The following CDH4 variants were observed in gnomAD, a reference collection of about 807,000 sequenced individuals.
CDH4 encodes the protein cadherin 4, also known as cadherin-4.
CDH4 carries 33 observed loss-of-function variants against 86.0 expected under a neutral mutation model. The ratio of observed to expected loss-of-function variants is 0.38; its 90% CI spans 0.29 to 0.51. The LOEUF (loss-of-function observed/expected upper bound fraction) is 0.51, where lower values mean the gene tolerates loss of function less well. Ranked by LOEUF, CDH4 falls within the 20% of genes least tolerant of loss-of-function variation. The pLI is 0.86. For synonymous variants in CDH4, 555 were observed against 549.4 expected, an observed-to-expected ratio of 1.01 and a Z score of -0.14; for missense variants, 1,114 against 1,307.4, an observed-to-expected ratio of 0.85 and a Z score of 2.28.
intron 2 of CDH4, among the ~76,000 whole-genome samples, chr20:61,597,292 A>AC (rs998818402): frequency 3.3e-5 from 5 of 152,200 alleles, no homozygotes; most frequent in Admixed American, 1.3e-4. Flanking sequence ...TGTTCCCTCC[A>AC]CCCTGCACCC....
chr20:61,611,856 C>T (rs6089244), intron 2 of CDH4, among the ~76,000 whole-genome samples: 94,291 of 151,884 alleles, frequency 0.62, 31,121 homozygotes, highest in East Asian at 0.78. Flanking sequence ...CAGGGCTTCA[C>T]GAACTCCTGC....
chr20:61,366,183 A>T (rs73917729), intron 2 of CDH4, among the ~76,000 whole-genome samples: 3,748 of 152,308 alleles, frequency 0.025, 152 homozygotes, highest in African/African-American at 0.085. Context: ...GCAGTCCTCC[A>T]GGGCTGAAGA....
At chr20:61,320,601 G>A (rs906985955) in intron 2 of CDH4, among the ~76,000 whole-genome samples, 1 of 152,042 alleles carries the variant, frequency 6.6e-6, no homozygotes, top group African/African-American at 2.4e-5. Context: ...GTGGGGGATG[G>A]GGGTGCTATT....
At chr20:61,384,757 A>T (rs1369020333) in intron 2 of CDH4, among the ~76,000 whole-genome samples, 7 of 147,530 alleles carry the variant, frequency 4.7e-5, no homozygotes, top group Admixed American at 2.0e-4. Flanking sequence ...GTTCTCTTTC[A>T]TTAATTTTCA....
chr20:61,333,031 A>T (rs1301454187), intron 2 of CDH4, among the ~76,000 whole-genome samples: 2 of 152,158 alleles, frequency 1.3e-5, no homozygotes, highest in African/African-American at 4.8e-5. Flanking sequence ...ACCAAACTAA[A>T]CACTTATTTG....
chr20:61,340,954 T>C (rs947745281), intron 2 of CDH4, among the ~76,000 whole-genome samples: 1 of 152,234 alleles, frequency 6.6e-6, no homozygotes, highest in African/African-American at 2.4e-5. Flanking sequence ...AGGTGTTGGC[T>C]TAAATCTGCC....
At chr20:61,590,997 GC>G (rs2086515651) in intron 2 of CDH4, among the ~76,000 whole-genome samples, 1 of 152,102 alleles carries the variant, frequency 6.6e-6, no homozygotes. Flanking sequence ...ACCCTCAGAG[GC>G]CCAGGGAGAT....
At chr20:61,528,872 A>G (rs570310159) in intron 2 of CDH4, among the ~76,000 whole-genome samples, 1 of 147,762 alleles carries the variant, frequency 6.8e-6, no homozygotes, top group Admixed American at 6.7e-5. Context: ...TTTTGTAACC[A>G]GTGCACCGCC....
At chr20:61,449,068 G>C (rs2085366675) in intron 2 of CDH4, among the ~76,000 whole-genome samples, 1 of 152,104 alleles carries the variant, frequency 6.6e-6, no homozygotes, top group African/African-American at 2.4e-5. Flanking sequence ...ACAGCCTCTG[G>C]GGAAGCAGTT....
At chr20:61,458,309 C>T (rs2145555549) in intron 2 of CDH4, among the ~76,000 whole-genome samples, 1 of 149,508 alleles carries the variant, frequency 6.7e-6, no homozygotes, top group African/African-American at 2.5e-5. Flanking sequence ...ATGACTGACA[C>T]TAGTGGTGGT....
rs990146180 is a variant in CDH4, at chr20:61,940,456, A to T, written c.*3513A>T. On this transcript the variant is annotated 3_prime_UTR_variant, in exon 16 of 16. Coordinates refer to ENST00000614565, the MANE Select transcript of CDH4 (RefSeq NM_001794.5). Reference sequence around the variant, plus strand: ...TTGTTGTTTGTATCATTTTGTACCAAAAAAAAAAAGGAAAAAAAAAGGGAA... The same window carrying T: ...TTGTTGTTTGTATCATTTTGTACCATAAAAAAAAAGGAAAAAAAAAGGGAA... 8.7e-5 allele frequency: 13 copies of T among 148,622 alleles called. No individual in the cohort carries two copies. Among genetic ancestry groups the T allele is most frequent in the African/African-American group, 3.2e-4 (13 of 40,874 alleles). The allele number at this position is 148,622 out of a possible 1,614,324, so 9.2% of individuals were successfully genotyped here. A position where few individuals can be genotyped will look rare whatever the true frequency, so the allele number is the denominator to read the frequency against.
At chr20:61,319,230 C>T (rs1455950048) in intron 2 of CDH4, among the ~76,000 whole-genome samples, 1 of 151,784 alleles carries the variant, frequency 6.6e-6, no homozygotes, top group Non-Finnish European at 1.5e-5. Context: ...TAAGCAGGTG[C>T]ATTATTATCC....
At chr20:61,533,630 G>A (rs1236026882) in intron 2 of CDH4, among the ~76,000 whole-genome samples, 1 of 152,228 alleles carries the variant, frequency 6.6e-6, no homozygotes, top group Admixed American at 6.5e-5. Flanking sequence ...TGCAATTAGA[G>A]CTACTTCGGG....
chr20:61,389,516 A>G (rs6121696), intron 2 of CDH4, among the ~76,000 whole-genome samples: 27,890 of 152,180 alleles, frequency 0.18, 2,755 homozygotes, highest in African/African-American at 0.21. Context: ...GACAAATCCA[A>G]TGTATGATTT....
chr20:61,371,242 T>C (rs1304994052), intron 2 of CDH4, among the ~76,000 whole-genome samples: 1 of 151,738 alleles, frequency 6.6e-6, no homozygotes, highest in East Asian at 1.9e-4. Context: ...GGGTGGGAAG[T>C]GGGGAGAGGT....
chr20:61,604,921 A>T (rs202160079), intron 2 of CDH4, among the ~76,000 whole-genome samples: 2 of 20,390 alleles, frequency 9.8e-5, no homozygotes, highest in Non-Finnish European at 3.6e-4. Context: ...CTGGAAGGAC[A>T]GGTTCCTGCT....
intron 2 of CDH4, among the ~76,000 whole-genome samples, chr20:61,687,488 C>T (rs993786293): frequency 2.0e-5 from 3 of 152,198 alleles, no homozygotes; most frequent in African/African-American, 2.4e-5. Context: ...GACTTGCTGA[C>T]TCAGGCAGGA....
At chr20:61,477,900 A>G (rs1163539886) in intron 2 of CDH4, among the ~76,000 whole-genome samples, 4 of 152,252 alleles carry the variant, frequency 2.6e-5, no homozygotes, top group Non-Finnish European at 5.9e-5. Flanking sequence ...AGAAGGTTTC[A>G]TGAGCTGAGA....
intron 2 of CDH4, among the ~76,000 whole-genome samples, chr20:61,677,883 A>ATAGG (rs1188100554): frequency 6.6e-6 from 1 of 151,696 alleles, no homozygotes; most frequent in Non-Finnish European, 1.5e-5. Flanking sequence ...TGGATAGATG[A>ATAGG]TGGATGATGG....
Sources: gnomAD v4.1 joint callset for allele counts (sites outside exome capture counted in the v4.1 genomes callset) on GRCh38, gnomAD v4.1.1 for gene constraint, MANE v1.5 for transcripts, NCBI Gene and HGNC (gene_info 2026-07-23, HGNC 2026-07-21) for gene names.